MALRD1: variants seen among roughly 807,000 people sequenced by gnomAD.
MALRD1 encodes the protein MAM and LDL receptor class A domain containing 1, also known as MAM and LDL-receptor class A domain-containing protein 1.
Under a neutral mutation model 242.1 loss-of-function variants are expected in MALRD1, and 247 were observed. That is an observed-to-expected ratio of 1.02 (90% CI 0.92 to 1.13). The LOEUF is 1.13. Among genes scored for constraint, MALRD1 ranks in the 50% most tolerant of loss-of-function variants. The probability of loss-of-function intolerance (pLI) is 0.00; values close to 1 mark genes in which losing one functional copy is unlikely to be tolerated. For missense variants in MALRD1, 2,989 were observed against 2,533.1 expected (o/e 1.18, Z -3.86); for synonymous variants, 995 against 866.6 (o/e 1.15, Z -2.60).
chr10:19,327,795 C>T (rs1021062338), intron 23 of MALRD1, 122 bp downstream of exon 23: 9 of 745,884 alleles, frequency 1.2e-5, no homozygotes, highest in African/African-American at 8.7e-5. Flanking sequence ...TCTGTGGATG[C>T]GTGGACACCA....
chr10:19,224,618 T>C (rs1837707975), intron 18 of MALRD1, among the ~76,000 whole-genome samples: 1 of 152,224 alleles, frequency 6.6e-6, no homozygotes, highest in Non-Finnish European at 1.5e-5. Flanking sequence ...CATATGTTTA[T>C]TGGCCGCATA....
intron 28 of MALRD1, among the ~76,000 whole-genome samples, chr10:19,406,928 T>C (rs1487238935): frequency 6.6e-6 from 1 of 152,166 alleles, no homozygotes; most frequent in Admixed American, 6.5e-5. Context: ...ATGATTAATA[T>C]ATCAGATTTT....
At chr10:19,316,496 T>C (rs1842713808) in intron 21 of MALRD1, among the ~76,000 whole-genome samples, 1 of 151,882 alleles carries the variant, frequency 6.6e-6, no homozygotes. Flanking sequence ...TTAATTTACA[T>C]TCTAAAATCC....
chr10:19,590,050 C>T (rs1002574012), intron 33 of MALRD1, among the ~76,000 whole-genome samples: 5 of 152,156 alleles, frequency 3.3e-5, no homozygotes, highest in African/African-American at 7.2e-5. Context: ...CCTGACCAAG[C>T]AGCTCACTGG....
At chr10:19,267,115 A>G (rs376184260) in intron 19 of MALRD1, among the ~76,000 whole-genome samples, 1 of 152,110 alleles carries the variant, frequency 6.6e-6, no homozygotes, top group Admixed American at 6.5e-5. Flanking sequence ...GAAAAATAAA[A>G]CACTGACTAC....
chr10:19,512,029 T>C (rs926858507), intron 31 of MALRD1, among the ~76,000 whole-genome samples: 3 of 151,866 alleles, frequency 2.0e-5, no homozygotes, highest in Non-Finnish European at 4.4e-5. Context: ...AGTTGAGAGA[T>C]AGGGAGCCAA....
At chr10:19,354,370 G>GA (rs1401454785) in intron 26 of MALRD1, among the ~76,000 whole-genome samples, 1 of 151,964 alleles carries the variant, frequency 6.6e-6, no homozygotes, top group African/African-American at 2.4e-5. Flanking sequence ...AAGTGGGTAG[G>GA]AAAAAAATGC....
In MALRD1 at chr10:19,588,145, C is replaced by G. The variant is rs566806124; in HGVS notation, c.5681-7049C>G. Among the ~76,000 whole-genome samples the G allele has an allele frequency of 3.3e-5, 5 of 151,744 alleles. No homozygotes were observed. The East Asian group carries it at 9.7e-4, about 29-fold the overall frequency. On this transcript the variant is annotated intron_variant, in intron 33 of 39. Transcript: ENST00000454679. ...TTATAAGTTTATATTCAAATATATT[C>G]GAAAATTTTTTTTTAAAGACCTTTC...
At chr10:19,196,966 G>A (rs1425878443) in intron 14 of MALRD1, among the ~76,000 whole-genome samples, 5 of 152,124 alleles carry the variant, frequency 3.3e-5, no homozygotes, top group South Asian at 2.1e-4. Flanking sequence ...TCTAAAGAAC[G>A]GCCTGAGGCT....
intron 1 of MALRD1, among the ~76,000 whole-genome samples, chr10:19,062,377 C>G (rs1169597651): frequency 2.0e-5 from 3 of 152,140 alleles, no homozygotes; most frequent in Non-Finnish European, 4.4e-5. Flanking sequence ...GGCAATTCCT[C>G]AAAATATTAG....
intron 29 of MALRD1, among the ~76,000 whole-genome samples, chr10:19,487,788 C>G (rs1179906623): frequency 6.6e-6 from 1 of 152,032 alleles, no homozygotes; most frequent in Admixed American, 6.6e-5. Context: ...TTGTTAATGC[C>G]CATAATTGGA....
chr10:19,506,116 A>G (rs6481955), intron 31 of MALRD1, among the ~76,000 whole-genome samples: 32,819 of 152,066 alleles, frequency 0.22, 5,202 homozygotes, highest in African/African-American at 0.46. Context: ...TGCATGCTCA[A>G]CCTACATCCA....
chr10:19,206,440 A>G (rs1262528758), intron 17 of MALRD1, among the ~76,000 whole-genome samples: 2 of 152,150 alleles, frequency 1.3e-5, no homozygotes, highest in Non-Finnish European at 2.9e-5. Flanking sequence ...CATTTTTGCA[A>G]ATTTCGAAAG....
Position 19,687,743 on chromosome 10 carries a change from G to A in MALRD1, c.6138-4539G>A, listed in dbSNP as rs139129710. On this transcript the variant is annotated intron_variant, in intron 36 of 39. Coordinates refer to ENST00000454679, the MANE Select transcript of MALRD1 (RefSeq NM_001142308.3). ...TGGTACAAAACTAATTTCGCTTTTG[G>A]CCATTCCTTTTAGAGACAATGACTG... 3.3e-5 allele frequency among the ~76,000 whole-genome samples: 5 copies of A among 152,140 alleles called. No individual in the cohort carries two copies. In the East Asian group the frequency reaches 7.7e-4, roughly 24 times the overall value.
intron 1 of MALRD1, among the ~76,000 whole-genome samples, chr10:19,059,592 G>A (rs1295968247): frequency 3.3e-5 from 5 of 152,050 alleles, no homozygotes; most frequent in African/African-American, 1.2e-4. Flanking sequence ...GAGTTTCACT[G>A]TGTTGGCCAG....
intron 28 of MALRD1, among the ~76,000 whole-genome samples, chr10:19,397,676 G>A (rs918840745): frequency 2.0e-5 from 3 of 151,988 alleles, no homozygotes; most frequent in African/African-American, 7.2e-5. Context: ...TTTTCATAAT[G>A]GCTGTACTAA....
At chr10:19,676,007 G>C (rs1842122614) in intron 36 of MALRD1, among the ~76,000 whole-genome samples, 1 of 152,178 alleles carries the variant, frequency 6.6e-6, no homozygotes. Context: ...TAGCAAGATT[G>C]ATAAGAAGTG....
intron 36 of MALRD1, among the ~76,000 whole-genome samples, chr10:19,644,733 T>G (rs377248687): frequency 3.3e-5 from 5 of 152,122 alleles, no homozygotes; most frequent in East Asian, 3.9e-4. Flanking sequence ...CTAAGAAAAA[T>G]AATGAGGGTG....
intron 38 of MALRD1, among the ~76,000 whole-genome samples, chr10:19,701,580 C>T (rs1322324968): frequency 1.3e-5 from 2 of 152,050 alleles, no homozygotes; most frequent in African/African-American, 2.4e-5. Context: ...AAAAAAGAAA[C>T]TTAAGTAGCA....
Sources: allele counts gnomAD v4.1 joint callset (sites outside exome capture counted in the v4.1 genomes callset), GRCh38; gene constraint gnomAD v4.1.1; transcripts MANE v1.5; gene names NCBI Gene and HGNC (gene_info 2026-07-23, HGNC 2026-07-21).